LARP1: variants seen among roughly 807,000 people sequenced by gnomAD.
The protein encoded by LARP1 is La ribonucleoprotein 1, translational regulator.
In LARP1, 36 loss-of-function variants were observed where a neutral mutation model predicts 122.7. That is an observed-to-expected ratio of 0.29 (90% CI 0.22 to 0.39). The LOEUF is 0.39. LARP1 is among the 10% of genes least tolerant of loss of function. LARP1 has a pLI of 1.00. For missense variants in LARP1, 1,040 were observed against 1,403.6 expected (o/e 0.74, Z 4.14); for synonymous variants, 539 against 528.7 (o/e 1.02, Z -0.27).
At chr5:154,763,684 A>C (rs1481054019) in intron 1 of LARP1, among the ~76,000 whole-genome samples, 1 of 151,544 alleles carries the variant, frequency 6.6e-6, no homozygotes, top group Non-Finnish European at 1.5e-5. Flanking sequence ...CATGTAATGT[A>C]CTAGTACATC....
At chr5:154,729,466 G>T in intron 1 of LARP1, 1 of 386,218 alleles carries the variant, frequency 2.6e-6, no homozygotes, top group Non-Finnish European at 5.0e-6. Flanking sequence ...ACAAGAGCAA[G>T]ATTCTTGCCA....
rs1213578702 is a variant in LARP1 at position 154,694,229 on chromosome 5, A to T, written c.-180+11192A>T. ...ATATCTTGATTTATTACTATAAAAA[A>T]ATAAGGACCACGTTTTTATTTTTAT... is the stretch of plus-strand genomic sequence containing the variant. On this transcript the variant is annotated intron_variant, in intron 1 of 18. Transcript: ENST00000687700. Among the ~76,000 whole-genome samples the T allele has an allele frequency of 2.6e-5, 4 of 152,328 alleles. No homozygotes were observed. The East Asian group carries it at 5.8e-4, about 22-fold the overall frequency.
At chr5:154,719,445 C>T (rs1421182473) in intron 1 of LARP1, among the ~76,000 whole-genome samples, 1 of 152,110 alleles carries the variant, frequency 6.6e-6, no homozygotes, top group African/African-American at 2.4e-5. Context: ...TTTTAAATAC[C>T]TAAAATACAT....
Position 154,792,716 on chromosome 5 carries a change from G to A in LARP1, c.659G>A (p.Ser220Asn). 6.2e-7 allele frequency: 1 copy of A among 1,614,218 alleles called. No homozygotes were observed. Among genetic ancestry groups the A allele is most frequent in the Non-Finnish European group, 8.5e-7 (1 of 1,180,030 alleles). Reference sequence around the variant, plus strand: ...GGAGAAGGGAGTGATAGTAAGGAGAGTCCAAAAACCAAATCAGATGAATCA... The same window carrying A: ...GGAGAAGGGAGTGATAGTAAGGAGAATCCAAAAACCAAATCAGATGAATCA... Reference protein sequence around the residue: ...EKGEGSDSKESPKTKSDESGE... With the variant: ...EKGEGSDSKENPKTKSDESGE... Residue 220 changes from serine (S) to asparagine (N), a missense_variant, in exon 4 of 19, where the codon AGT (serine) becomes AAT (asparagine). This residue lies in a region of LARP1 where 257 missense variants were observed against 273.3 expected (regional missense o/e 0.94). Transcript: ENST00000518297.
intron 8 of LARP1, among the ~76,000 whole-genome samples, chr5:154,795,845 T>G (rs1757712926): frequency 7.4e-6 from 1 of 135,670 alleles, no homozygotes; most frequent in Non-Finnish European, 1.5e-5. Flanking sequence ...TTTATATATA[T>G]TTATATATAT....
intron 1 of LARP1, among the ~76,000 whole-genome samples, chr5:154,717,808 C>A (rs1378696374): frequency 1.3e-5 from 2 of 152,154 alleles, no homozygotes; most frequent in Non-Finnish European, 2.9e-5. Flanking sequence ...ATTCTGACCC[C>A]ATTTTTGCTA....
At chr5:154,766,101 T>G (rs1214699062) in intron 1 of LARP1, among the ~76,000 whole-genome samples, 2 of 152,194 alleles carry the variant, frequency 1.3e-5, no homozygotes, top group African/African-American at 4.8e-5. Context: ...AACTCAGTTT[T>G]GGTTGAGGAA....
At chr5:154,707,600 A>G (rs917054873) in intron 1 of LARP1, among the ~76,000 whole-genome samples, 4 of 152,190 alleles carry the variant, frequency 2.6e-5, no homozygotes, top group Middle Eastern at 3.2e-3. Context: ...GGCACCAGGG[A>G]CCAGTTTTGT....
At chr5:154,740,779 A>C (rs1251234836) in intron 1 of LARP1, among the ~76,000 whole-genome samples, 1 of 152,232 alleles carries the variant, frequency 6.6e-6, no homozygotes, top group Non-Finnish European at 1.5e-5. Flanking sequence ...TGAGCACTTC[A>C]AGTGGAATCA....
intron 1 of LARP1, among the ~76,000 whole-genome samples, chr5:154,724,122 T>G (rs762948429): frequency 2.0e-5 from 3 of 152,228 alleles, no homozygotes; most frequent in Non-Finnish European, 4.4e-5. Context: ...TTTCACTGGT[T>G]GTTGTGATAC....
At chr5:154,780,843 C>T (rs946411865) in intron 1 of LARP1, among the ~76,000 whole-genome samples, 3 of 152,098 alleles carry the variant, frequency 2.0e-5, no homozygotes, top group Admixed American at 2.0e-4. Context: ...GGGTGGATCA[C>T]TTGAGGTCAG....
intron 4 of LARP1, 104 bp downstream of exon 4, chr5:154,792,900 A>T (rs1258380665): frequency 3.6e-6 from 4 of 1,102,330 alleles, no homozygotes; most frequent in African/African-American, 1.6e-5. Context: ...CACCTCTGAA[A>T]AGTCAATGGG....
At chr5:154,807,894 T>G (rs531462641) in intron 15 of LARP1, among the ~76,000 whole-genome samples, 49 of 152,324 alleles carry the variant, frequency 3.2e-4, no homozygotes, top group African/African-American at 1.2e-3. Context: ...AGTTATTAAG[T>G]TGTAGGAATT....
chr5:154,717,461 A>C (rs1323816611), intron 1 of LARP1, among the ~76,000 whole-genome samples: 1 of 152,336 alleles, frequency 6.6e-6, no homozygotes, highest in East Asian at 1.9e-4. Context: ...TGGGCTAGCC[A>C]TACTCTGAAA....
intron 1 of LARP1, chr5:154,756,532 G>A (rs780544739): frequency 3.8e-5 from 37 of 983,712 alleles, no homozygotes; most frequent in Non-Finnish European, 4.2e-5. Context: ...TGTAAGAGAC[G>A]GTTTCTGGTT....
chr5:154,689,952 G>T (rs1211016500), intron 1 of LARP1, among the ~76,000 whole-genome samples: 3 of 152,120 alleles, frequency 2.0e-5, no homozygotes, highest in African/African-American at 7.2e-5. Context: ...GGTGGCACGC[G>T]CCTGCTTGAA....
At chr5:154,797,221 G>GGTTTTTTTTTT (rs1757940079) in intron 8 of LARP1, among the ~76,000 whole-genome samples, 14 of 29,776 alleles carry the variant, frequency 4.7e-4, no homozygotes, top group African/African-American at 1.5e-3. Flanking sequence ...TGTTGTTGTT[G>GGTTTTTTTTTT]TTTTTTTTTT....
Position 154,803,176 on chromosome 5 carries a change from G to A in LARP1, c.2110-114G>A, listed in dbSNP as rs893443295. 2.5e-5 allele frequency: 34 copies of A among 1,376,810 alleles called. No homozygotes were observed. Among genetic ancestry groups the A allele is most frequent in the East Asian group, 9.2e-5 (4 of 43,454 alleles). 85.3% of individuals were successfully genotyped at this position (1,376,810 alleles called of 1,614,324 possible). On this transcript the variant is annotated intron_variant, in intron 11 of 18. Coordinates refer to ENST00000518297, the MANE Select transcript of LARP1 (RefSeq NM_033551.3). The surrounding 1 kb of genome is among the most constrained non-coding windows in gnomAD (Gnocchi z 4.4). ...GAGAGCCTGGGGACCAGAATTCCACGTATGTCGACGTGGGAGCTGCCCTCT... is the reference window on the plus strand; with the variant it reads ...GAGAGCCTGGGGACCAGAATTCCACATATGTCGACGTGGGAGCTGCCCTCT...
At chr5:154,688,751 G>A (rs925815435) in intron 1 of LARP1, among the ~76,000 whole-genome samples, 2 of 151,646 alleles carry the variant, frequency 1.3e-5, no homozygotes, top group African/African-American at 2.4e-5. Context: ...TCTTGAGTCT[G>A]GAAGGTTGAG....
Sources: allele counts gnomAD v4.1 joint callset (sites outside exome capture counted in the v4.1 genomes callset), GRCh38; gene constraint gnomAD v4.1.1; regional missense constraint gnomAD v4.1.1; non-coding constraint Gnocchi (gnomAD v3.1); transcripts MANE v1.5; gene names NCBI Gene and HGNC (gene_info 2026-07-23, HGNC 2026-07-21).